The following GFRA2 variants were observed in gnomAD, a reference collection of about 807,000 sequenced individuals.
GFRA2 encodes GDNF family receptor alpha-2.
In GFRA2, 17 loss-of-function variants were observed where a neutral mutation model predicts 48.3. That is an observed-to-expected ratio of 0.35 (90% confidence interval 0.24 to 0.53). GFRA2 has a LOEUF of 0.53. Among genes scored for constraint, GFRA2 ranks in the 20% least tolerant of loss-of-function variants. The probability of loss-of-function intolerance (pLI) is 0.93; values close to 1 mark genes in which losing one functional copy is unlikely to be tolerated. For synonymous variants in GFRA2, 305 were observed against 257.2 expected (o/e 1.19, Z -1.78); for missense variants, 660 against 637.3 (o/e 1.04, Z -0.38).
chr8:21,710,470 G>A (rs140635416), intron 4 of GFRA2, among the ~76,000 whole-genome samples: 6 of 152,282 alleles, frequency 3.9e-5, no homozygotes, highest in East Asian at 1.9e-4. Flanking sequence ...TCAAGGAGAC[G>A]GGGCTCCCTC....
chr8:21,695,321 G>C (rs955780968), intron 7 of GFRA2, among the ~76,000 whole-genome samples: 1 of 152,156 alleles, frequency 6.6e-6, no homozygotes, highest in African/African-American at 2.4e-5. Context: ...CTTCCATCCA[G>C]GATTCAAATG....
At chr8:21,800,906 A>T (rs559843683) in intron 2 of GFRA2, among the ~76,000 whole-genome samples, 1 of 148,578 alleles carries the variant, frequency 6.7e-6, no homozygotes, top group Admixed American at 6.8e-5. Flanking sequence ...AGCCTGGGTC[A>T]CAGAGTGAGA....
At chr8:21,744,509 G>A (rs1804898559) in intron 4 of GFRA2, among the ~76,000 whole-genome samples, 1 of 148,226 alleles carries the variant, frequency 6.7e-6, no homozygotes, top group African/African-American at 2.6e-5. Context: ...ACAGTTTAGA[G>A]AACAACAGAA....
At chr8:21,758,580 G>A (rs746804691) in intron 3 of GFRA2, among the ~76,000 whole-genome samples, 17 of 152,096 alleles carry the variant, frequency 1.1e-4, no homozygotes, top group East Asian at 3.9e-4. Context: ...GTTAAAGAAC[G>A]TGGGTCCTAA....
chr8:21,761,279 TA>T (rs1475882863), intron 3 of GFRA2, among the ~76,000 whole-genome samples: 1 of 152,218 alleles, frequency 6.6e-6, no homozygotes, highest in Non-Finnish European at 1.5e-5. Context: ...CCACTGTGTG[TA>T]AAGTAAGGCT....
At chr8:21,787,647 C>T (rs376728377) in intron 1 of GFRA2, among the ~76,000 whole-genome samples, 1,851 of 152,306 alleles carry the variant, frequency 0.012, 48 homozygotes, top group African/African-American at 0.043. Context: ...GCCGGAGAAA[C>T]CCGCGCCCTC....
chr8:21,771,895 C>T (rs1177295399), intron 3 of GFRA2, among the ~76,000 whole-genome samples: 6 of 152,096 alleles, frequency 3.9e-5, no homozygotes, highest in East Asian at 1.9e-4. Flanking sequence ...GGGCTTCCCA[C>T]GGGATTTCAT....
At chr8:21,801,490 T>C (rs895028836) in intron 2 of GFRA2, among the ~76,000 whole-genome samples, 2 of 152,094 alleles carry the variant, frequency 1.3e-5, no homozygotes, top group Non-Finnish European at 2.9e-5. Context: ...AGAAAATTCA[T>C]GCAGGCAGAA....
intron 4 of GFRA2, among the ~76,000 whole-genome samples, chr8:21,733,988 G>C (rs1308111192): frequency 6.6e-6 from 1 of 152,212 alleles, no homozygotes; most frequent in Non-Finnish European, 1.5e-5. Flanking sequence ...CCACAGGGGA[G>C]GGAGGGCAGG....
intron 4 of GFRA2, among the ~76,000 whole-genome samples, chr8:21,722,290 CAGG>C (rs1351196985): frequency 1.3e-5 from 2 of 152,178 alleles, no homozygotes; most frequent in Non-Finnish European, 2.9e-5. Context: ...TGCAGGCTCC[CAGG>C]AACATAGCGC....
At chr8:21,749,268 A>C in intron 4 of GFRA2, among the ~76,000 whole-genome samples, 1 of 151,734 alleles carries the variant, frequency 6.6e-6, no homozygotes, top group East Asian at 1.9e-4. Context: ...CCTTCCTAAT[A>C]ATGAGGCTAC....
intron 2 of GFRA2, among the ~76,000 whole-genome samples, chr8:21,782,052 G>A (rs1807018997): frequency 1.3e-5 from 2 of 152,288 alleles, no homozygotes; most frequent in African/African-American, 2.4e-5. Context: ...ACAGAGTAGG[G>A]GCAGCCAGCT....
At chr8:21,783,172 G>A in intron 1 of GFRA2, 2 of 620,674 alleles carry the variant, frequency 3.2e-6, no homozygotes, top group Non-Finnish European at 6.0e-6. Context: ...AAGCCAGGAA[G>A]GTCCCGGCTC....
chr8:21,770,363 T>G (rs1169445924), intron 3 of GFRA2, among the ~76,000 whole-genome samples: 3 of 152,238 alleles, frequency 2.0e-5, no homozygotes, highest in African/African-American at 7.2e-5. Context: ...ACCTGCACTA[T>G]CTCATTTAGT....
At chr8:21,699,663 T>C (rs1802373672) in intron 7 of GFRA2, among the ~76,000 whole-genome samples, 1 of 152,130 alleles carries the variant, frequency 6.6e-6, no homozygotes, top group African/African-American at 2.4e-5. Context: ...CAAACCTTCC[T>C]ACACCTTCAA....
chr8:21,765,705 T>G (rs1360520773), intron 3 of GFRA2, among the ~76,000 whole-genome samples: 1 of 152,138 alleles, frequency 6.6e-6, no homozygotes, highest in Non-Finnish European at 1.5e-5. Context: ...GGGGGAGATC[T>G]AATTGGCAAC....
rs964926148 is a variant in GFRA2, at chr8:21,693,026, C to T, written c.*252G>A. ...GAAGGGCATTTCTAGAGCCTCGTGC[C>T]CTCCCCGGCACCAGAGTTTCCCCTG... On this transcript the variant is annotated 3_prime_UTR_variant, in exon 9 of 9. Coordinates refer to ENST00000524240, the MANE Select transcript of GFRA2 (RefSeq NM_001495.5). 3 of 338,968 alleles carry T rather than the reference C, an allele frequency of 8.9e-6. No individual in the cohort carries two copies. The highest frequency in any genetic ancestry group is 4.9e-5 in the South Asian group (1 of 20,354). 21.0% of individuals were successfully genotyped at this position (338,968 alleles called of 1,614,324 possible). A position where few individuals can be genotyped will look rare whatever the true frequency, so the allele number is the denominator to read the frequency against.
chr8:21,776,133 G>A (rs372438980), intron 2 of GFRA2, among the ~76,000 whole-genome samples: 3 of 152,140 alleles, frequency 2.0e-5, no homozygotes, highest in African/African-American at 7.2e-5. Flanking sequence ...AGAGAGCACA[G>A]GTGGGGCAGC....
chr8:21,766,538 C>G (rs1055162659), intron 3 of GFRA2, among the ~76,000 whole-genome samples: 16 of 151,730 alleles, frequency 1.1e-4, no homozygotes, highest in African/African-American at 3.9e-4. Context: ...CCTCCAGTCG[C>G]AGGACGCCCC....
Sources: allele counts gnomAD v4.1 joint callset (sites outside exome capture counted in the v4.1 genomes callset), GRCh38; gene constraint gnomAD v4.1.1; transcripts MANE v1.5; gene names NCBI Gene and HGNC (gene_info 2026-07-23, HGNC 2026-07-21).